CNTN5: variants seen among roughly 807,000 people sequenced by gnomAD.
CNTN5 encodes contactin 5.
CNTN5 carries 77 observed loss-of-function variants against 129.1 expected under a neutral mutation model. The ratio of observed to expected loss-of-function variants is 0.60; its 90% CI spans 0.50 to 0.72. The LOEUF (loss-of-function observed/expected upper bound fraction) is 0.72. Among genes scored for constraint, CNTN5 ranks in the 30% least tolerant of loss-of-function variants. The pLI is 0.00. For synonymous variants in CNTN5, 509 were observed against 465.6 expected (o/e 1.09, Z -1.20); for missense variants, 1,478 against 1,328.8 (o/e 1.11, Z -1.75).
At chr11:100,344,544 A>G (rs1324301024) in intron 23 of CNTN5, among the ~76,000 whole-genome samples, 3 of 152,162 alleles carry the variant, frequency 2.0e-5, no homozygotes, top group African/African-American at 7.2e-5. Context: ...CAAATATACT[A>G]TAAGATAGAA....
intron 6 of CNTN5, among the ~76,000 whole-genome samples, chr11:99,871,145 T>G (rs562222748): frequency 6.6e-6 from 1 of 152,206 alleles, no homozygotes; most frequent in East Asian, 1.9e-4. Flanking sequence ...GTTGATCCCC[T>G]GAGAGTAGAA....
At chr11:99,311,426 T>C (rs1376089042) in intron 1 of CNTN5, among the ~76,000 whole-genome samples, 1 of 152,198 alleles carries the variant, frequency 6.6e-6, no homozygotes, top group African/African-American at 2.4e-5. Context: ...GTGTTGACCT[T>C]ATCAAATGAG....
chr11:100,266,706 A>C (rs1372687641), intron 17 of CNTN5, among the ~76,000 whole-genome samples: 1 of 149,140 alleles, frequency 6.7e-6, no homozygotes, highest in Non-Finnish European at 1.5e-5. Context: ...GGGAGTCTTT[A>C]AAATCTCTAG....
chr11:99,586,061 A>G (rs1429000996), intron 3 of CNTN5, among the ~76,000 whole-genome samples: 1 of 152,102 alleles, frequency 6.6e-6, no homozygotes, highest in East Asian at 1.9e-4. Context: ...TATATCTCAT[A>G]TCATGTATTT....
At chr11:99,172,892 C>T (rs2135545045) in intron 1 of CNTN5, among the ~76,000 whole-genome samples, 1 of 152,268 alleles carries the variant, frequency 6.6e-6, no homozygotes, top group African/African-American at 2.4e-5. Flanking sequence ...TTGTATTAGT[C>T]TGTTTTCACA....
chr11:99,999,553 T>A (rs1345576746), intron 8 of CNTN5, among the ~76,000 whole-genome samples: 1 of 152,220 alleles, frequency 6.6e-6, no homozygotes, highest in Admixed American at 6.5e-5. Flanking sequence ...TTTTACACTC[T>A]TAGTGGGACT....
intron 3 of CNTN5, among the ~76,000 whole-genome samples, chr11:99,631,779 A>T (rs1473117069): frequency 6.6e-6 from 1 of 152,164 alleles, no homozygotes; most frequent in African/African-American, 2.4e-5. Flanking sequence ...AACAGCAAGT[A>T]ACTGGAATCT....
At chr11:99,323,503 T>C (rs192592237) in intron 1 of CNTN5, among the ~76,000 whole-genome samples, 38 of 152,298 alleles carry the variant, frequency 2.5e-4, no homozygotes, top group Admixed American at 1.3e-3. Flanking sequence ...GTGATACTTC[T>C]TATTTGCTCA....
chr11:100,286,430 T>TCA (rs1341055802), intron 18 of CNTN5, among the ~76,000 whole-genome samples: 1 of 151,246 alleles, frequency 6.6e-6, no homozygotes, highest in African/African-American at 2.4e-5. Flanking sequence ...GACTGCCTCC[T>TCA]CAAGTGGGTC....
intron 6 of CNTN5, among the ~76,000 whole-genome samples, chr11:99,868,150 A>G (rs1948404888): frequency 6.6e-6 from 1 of 151,892 alleles, no homozygotes; most frequent in Non-Finnish European, 1.5e-5. Flanking sequence ...CAGGAGGCGG[A>G]GGTTGTGATG....
chr11:99,865,904 T>C lies in CNTN5; in HGVS notation c.577+20642T>C, dbSNP rs1008799435. Among the ~76,000 whole-genome samples, 3 of 152,280 alleles carry C rather than the reference T, an allele frequency of 2.0e-5. No individual in the cohort carries two copies. The Middle Eastern group carries it at 0.01, about 518-fold the overall frequency. On this transcript the variant is annotated intron_variant, in intron 6 of 24. Coordinates refer to ENST00000524871, the MANE Select transcript of CNTN5 (RefSeq NM_014361.4). ...AGACACTAGCCATATGGATTCAAGTTTTTTAGTTTTTATTTTCCTACACCA... is the reference window on the plus strand; with the variant it reads ...AGACACTAGCCATATGGATTCAAGTCTTTTAGTTTTTATTTTCCTACACCA...
chr11:100,108,488 T>C (rs1009213165), intron 13 of CNTN5, among the ~76,000 whole-genome samples: 4 of 152,210 alleles, frequency 2.6e-5, no homozygotes, highest in Non-Finnish European at 5.9e-5. Flanking sequence ...AATAAATACT[T>C]GCTAAACGAA....
At position 99,581,280 on chromosome 11, in the gene CNTN5, G is replaced by T. The variant is rs1168587714; in HGVS notation, c.55+25011G>T. 2.6e-3 allele frequency among the ~76,000 whole-genome samples: 288 copies of T among 112,038 alleles called. 1 individual carries two copies. Among genetic ancestry groups the T allele is most frequent in the Non-Finnish European group, 4.8e-3 (242 of 50,494 alleles). The allele number at this position is 112,038 out of a possible 152,430, so 73.5% of individuals were successfully genotyped here. On this transcript the variant is annotated intron_variant, in intron 3 of 24. Transcript: ENST00000524871. Reference sequence around the variant, plus strand: ...TGTGGTCAATTTTGGAGTAGGTGTGGTGTGGTGCTGAAAAGAATGTATATT... The same window carrying T: ...TGTGGTCAATTTTGGAGTAGGTGTGTTGTGGTGCTGAAAAGAATGTATATT...
intron 2 of CNTN5, among the ~76,000 whole-genome samples, chr11:99,434,865 T>G (rs948658170): frequency 1.3e-5 from 2 of 152,202 alleles, no homozygotes; most frequent in Non-Finnish European, 2.9e-5. Context: ...TGAATTAAAA[T>G]GAACATCATA....
chr11:99,842,358 ATTAG>A (rs1947536671), intron 4 of CNTN5, among the ~76,000 whole-genome samples: 2 of 152,376 alleles, frequency 1.3e-5, no homozygotes, highest in South Asian at 4.1e-4. Context: ...ACAAGTAAAT[ATTAG>A]TTATTAATCA....
At chr11:99,666,691 G>A (rs943624669) in intron 3 of CNTN5, among the ~76,000 whole-genome samples, 1 of 152,126 alleles carries the variant, frequency 6.6e-6, no homozygotes, top group Admixed American at 6.6e-5. Flanking sequence ...AGAATTACAA[G>A]CCTTGGACTG....
At chr11:99,337,506 A>C (rs1336256690) in intron 2 of CNTN5, among the ~76,000 whole-genome samples, 3 of 152,226 alleles carry the variant, frequency 2.0e-5, no homozygotes, top group Admixed American at 1.3e-4. Flanking sequence ...CACGCCCTTA[A>C]GACACAGATT....
At chr11:99,264,080 C>G (rs967372305) in intron 1 of CNTN5, among the ~76,000 whole-genome samples, 1 of 151,850 alleles carries the variant, frequency 6.6e-6, no homozygotes, top group Admixed American at 6.6e-5. Context: ...CAGTTACACA[C>G]TTCAATAAAA....
At chr11:99,683,979 T>C (rs1045521302) in intron 3 of CNTN5, among the ~76,000 whole-genome samples, 2 of 151,854 alleles carry the variant, frequency 1.3e-5, no homozygotes, top group South Asian at 4.1e-4. Flanking sequence ...TGTACTCTTC[T>C]AGCAAATTTC....
Sources: gnomAD v4.1 joint callset for allele counts (sites outside exome capture counted in the v4.1 genomes callset) on GRCh38, gnomAD v4.1.1 for gene constraint, MANE v1.5 for transcripts, NCBI Gene and HGNC (gene_info 2026-07-23, HGNC 2026-07-21) for gene names.